Variants in ZNF425 observed in about 807,000 individuals in gnomAD.
The protein encoded by ZNF425 is zinc finger protein 425.
Under a neutral mutation model 17.0 loss-of-function variants are expected in ZNF425, and 21 were observed. The ratio of observed to expected loss-of-function variants is 1.23; its 90% confidence interval spans 0.88 to 1.78. ZNF425 has a LOEUF of 1.78. Among genes scored for constraint, ZNF425 ranks in the 40% most tolerant of loss-of-function variants. The pLI, the probability that ZNF425 is intolerant of heterozygous loss-of-function variation, is 0.00. For synonymous variants in ZNF425, 433 were observed against 384.1 expected (o/e 1.13, Z -1.49); for missense variants, 868 against 967.3 (o/e 0.90, Z 1.36).
rs530080990 is a variant in ZNF425 at position 149,126,257 on chromosome 7, C to T, written c.-44G>A. 9 of 1,601,042 alleles carry T rather than the reference C, an allele frequency of 5.6e-6. No homozygotes were observed. The highest frequency in any genetic ancestry group is 1.7e-4 in the Middle Eastern group (1 of 6,044). Reference sequence around the variant, plus strand: ...GGCCCTGCCTGGCACGGCCTCCCCTCCGCTCCGCCCCAACCCAACTCCCAG... The same window carrying T: ...GGCCCTGCCTGGCACGGCCTCCCCTTCGCTCCGCCCCAACCCAACTCCCAG... On this transcript the variant is annotated 5_prime_UTR_variant, in exon 1 of 4. Coordinates refer to ENST00000378061, the MANE Select transcript of ZNF425 (RefSeq NM_001001661.3).
At position 149,126,217 on chromosome 7, in the gene ZNF425, G is replaced by C. The variant is rs1381968792; in HGVS notation, c.-4C>G. On this transcript the variant is annotated 5_prime_UTR_variant, in exon 1 of 4. Transcript: ENST00000378061. ...TTACCGAAGCCGGCTCGGCCATGGC[G>C]GTTCCGCACGAACCGGCCCTGCCTG... The C allele has an allele frequency of 6.2e-7, 1 of 1,611,568 alleles. No individual in the cohort carries two copies. The highest frequency in any genetic ancestry group is 2.2e-5 in the East Asian group (1 of 44,770).
At chr7:149,109,546 C>T (rs1826140255) in intron 3 of ZNF425, among the ~76,000 whole-genome samples, 1 of 152,152 alleles carries the variant, frequency 6.6e-6, no homozygotes, top group Admixed American at 6.6e-5. Context: ...CTCCTCCGCT[C>T]CTTCTCCTCT....
intron 2 of ZNF425, among the ~76,000 whole-genome samples, chr7:149,117,386 A>C (rs1355462983): frequency 6.6e-6 from 1 of 152,086 alleles, no homozygotes; most frequent in Non-Finnish European, 1.5e-5. Context: ...GAGTTACCTA[A>C]GTGTCCCATC....
At chr7:149,109,001 C>T (rs1040893350) in intron 3 of ZNF425, among the ~76,000 whole-genome samples, 21 of 89,580 alleles carry the variant, frequency 2.3e-4, no homozygotes, top group African/African-American at 9.7e-4. Context: ...TATGTTTTTC[C>T]TCCCATGTCC....
At chr7:149,114,012 TAAAAAA>T (rs35168465) in intron 2 of ZNF425, among the ~76,000 whole-genome samples, 1 of 120,600 alleles carries the variant, frequency 8.3e-6, no homozygotes. Flanking sequence ...AGACTCTGTC[TAAAAAA>T]AAAAAAAAAA....
intron 3 of ZNF425, 94 bp from the exon 4 acceptor site, chr7:149,105,660 TTA>T: frequency 1.2e-6 from 1 of 867,368 alleles, no homozygotes; most frequent in Non-Finnish European, 1.5e-6. Context: ...ATTATTATTA[TTA>T]TTTTTTGCGA....
intron 3 of ZNF425, among the ~76,000 whole-genome samples, chr7:149,109,271 G>A (rs1175861204): frequency 3.3e-5 from 5 of 151,870 alleles, no homozygotes; most frequent in Non-Finnish European, 5.9e-5. Flanking sequence ...AGAGATAGGG[G>A]TTTCACCATG....
Position 149,105,391 on chromosome 7 carries a change from GATGC to G in ZNF425, c.476_479del (p.Ser159ThrfsTer22), listed in dbSNP as rs772330140. The G allele has an allele frequency of 8.2e-6, 13 of 1,585,716 alleles. No individual in the cohort carries two copies. Among genetic ancestry groups the G allele is most frequent in the Non-Finnish European group, 1.1e-5 (13 of 1,169,380 alleles). ...CTTTCTTGTCTGGATCATATGCTGTGATGCTGACTTTTTTATTTAGAATCTCTGT... is the reference window on the plus strand; with the variant it reads ...CTTTCTTGTCTGGATCATATGCTGTGTGACTTTTTTATTTAGAATCTCTGT... On this transcript the variant is annotated frameshift_variant, in exon 4 of 4. Transcript: ENST00000378061. LOFTEE classifies it low-confidence loss of function (END_TRUNC).
chr7:149,107,101 T>C (rs1402788564), intron 3 of ZNF425, among the ~76,000 whole-genome samples: 4 of 136,800 alleles, frequency 2.9e-5, no homozygotes, highest in Admixed American at 2.9e-4. Flanking sequence ...AGTGAGACTG[T>C]CTCAAAAAAA....
At chr7:149,120,527 A>G (rs1826333149) in intron 1 of ZNF425, among the ~76,000 whole-genome samples, 1 of 152,224 alleles carries the variant, frequency 6.6e-6, no homozygotes, top group East Asian at 1.9e-4. Context: ...ACGATGCTTC[A>G]GTGAGAGACC....
rs74531338 is a variant in ZNF425, at chr7:149,118,076, C to A, written c.145+146G>T. 1,954 of 838,618 alleles carry A rather than the reference C, an allele frequency of 2.3e-3. 30 individuals carry two copies. In the African/African-American group the frequency reaches 0.03, roughly 13 times the overall value. 51.9% of individuals were successfully genotyped at this position (838,618 alleles called of 1,614,324 possible). A position where few individuals can be genotyped will look rare whatever the true frequency, so the allele number is the denominator to read the frequency against. The stretch of plus-strand genomic sequence containing the variant: ...TGGATAAAAAGGAATTTAATATTCC[C>A]AGGCCATTATAGGAAAGGGAGGAGA... On this transcript the variant is annotated intron_variant, in intron 2 of 3. Coordinates refer to ENST00000378061, the MANE Select transcript of ZNF425 (RefSeq NM_001001661.3).
rs75534831 is a variant in ZNF425, at chr7:149,121,079, CTTTTTTTTTTTTTTT to C, written c.19-2746_19-2732del. 1.9e-3 allele frequency among the ~76,000 whole-genome samples: 121 copies of C among 62,724 alleles called. 3 individuals carry two copies. Among genetic ancestry groups the C allele is most frequent in the African/African-American group, 9.8e-3 (113 of 11,504 alleles). 41.1% of individuals were successfully genotyped at this position (62,724 alleles called of 152,430 possible). Reference sequence around the variant, plus strand: ...AGAGTGGCTGGGCCATTTTACATTCCTTTTTTTTTTTTTTTTTTTTTTTTTTTTTTTTGAGACGGA... The same window carrying C: ...AGAGTGGCTGGGCCATTTTACATTCCTTTTTTTTTTTTTTTTTGAGACGGA... On this transcript the variant is annotated intron_variant, in intron 1 of 3. Coordinates refer to ENST00000378061, the MANE Select transcript of ZNF425 (RefSeq NM_001001661.3).
chr7:149,114,798 A>T (rs1826233078), intron 2 of ZNF425, among the ~76,000 whole-genome samples: 1 of 150,580 alleles, frequency 6.6e-6, no homozygotes, highest in Admixed American at 6.6e-5. Flanking sequence ...AAAAAAAAAA[A>T]GAAAAGAAAA....
In ZNF425 at chr7:149,103,676, G is replaced by C. The variant is rs760092085; in HGVS notation, c.2195C>G (p.Thr732Arg). 3 of 1,613,966 alleles carry C rather than the reference G, an allele frequency of 1.9e-6. No homozygotes were observed. The African/African-American group carries it at 4.0e-5, about 22-fold the overall frequency. The change falls in exon 4 of 4, where the codon ACG becomes AGG. Residue 732 changes from threonine (T) to arginine (R), a missense_variant. Coordinates refer to ENST00000378061, the MANE Select transcript of ZNF425 (RefSeq NM_001001661.3). ...GTGGGTCTTGAGCGCCCCCACGTAC[G>C]TGAAGCTCCTTCCACACTCATCACA... ...FSCDECGRSF[T>R]YVGALKTHIA...
chr7:149,124,870 C>T (rs1312949801), intron 1 of ZNF425, among the ~76,000 whole-genome samples: 1 of 152,210 alleles, frequency 6.6e-6, no homozygotes, highest in Non-Finnish European at 1.5e-5. Flanking sequence ...ATAAAATTCC[C>T]ATTTATGACC....
At position 149,104,126 on chromosome 7, in the gene ZNF425, AAG is replaced by A. The variant is rs1563144323; in HGVS notation, c.1743_1744del (p.Phe582ArgfsTer4). 6.2e-7 allele frequency: 1 copy of A among 1,612,938 alleles called. No homozygotes were observed. The highest frequency in any genetic ancestry group is 1.1e-5 in the South Asian group (1 of 91,076). Reference sequence around the variant, plus strand: ...GGTCTTGTCACACTCACCGCACGCGAAGGGCTTCTCGTCCCTGTGCATCCGCT... The same window carrying A: ...GGTCTTGTCACACTCACCGCACGCGAGGCTTCTCGTCCCTGTGCATCCGCT... On this transcript the variant is annotated frameshift_variant, in exon 4 of 4. Transcript: ENST00000378061. LOFTEE classifies it low-confidence loss of function (END_TRUNC). The surrounding 1 kb of genome is among the most constrained non-coding windows in gnomAD (Gnocchi z 4.3).
At chr7:149,116,037 T>G (rs34727394) in intron 2 of ZNF425, among the ~76,000 whole-genome samples, 7,781 of 152,230 alleles carry the variant, frequency 0.051, 206 homozygotes, top group Middle Eastern at 0.075. Flanking sequence ...TTGTGATACC[T>G]CACAACAAGA....
At position 149,103,690 on chromosome 7, in the gene ZNF425, A is replaced by G; in HGVS notation, c.2181T>C (p.Cys727=). 2 of 1,614,144 alleles carry G rather than the reference A, an allele frequency of 1.2e-6. No homozygotes were observed. Among genetic ancestry groups the G allele is most frequent in the East Asian group, 2.2e-5 (1 of 44,872 alleles). Residue 727 remains cysteine (C), a synonymous_variant, in exon 4 of 4, where the codon TGT becomes TGC. Transcript: ENST00000378061. ...CCCCCACGTACGTGAAGCTCCTTCC[A>G]CACTCATCACAAGAAAAAGGCCTCT... ...SGERPFSCDE[C]GRSFTYVGAL...
chr7:149,117,940 C>T (rs887254435), intron 2 of ZNF425, among the ~76,000 whole-genome samples: 6 of 152,028 alleles, frequency 3.9e-5, no homozygotes, highest in Non-Finnish European at 8.8e-5. Context: ...GCGTGAGCCA[C>T]CGCGCCTGGC....
Sources: gnomAD v4.1 joint callset for allele counts (sites outside exome capture counted in the v4.1 genomes callset) on GRCh38, gnomAD v4.1.1 for gene constraint, Gnocchi (gnomAD v3.1) non-coding constraint, MANE v1.5 for transcripts, NCBI Gene and HGNC (gene_info 2026-07-23, HGNC 2026-07-21) for gene names.